The following ZNF254 variants were observed in gnomAD, a reference collection of about 807,000 sequenced individuals.
ZNF254 encodes zinc finger protein 254, also known as CTD-2017D11.1.
Under a neutral mutation model 12.4 loss-of-function variants are expected in ZNF254, and 10 were observed. The observed-to-expected ratio is 0.80, with a 90% CI of 0.50 to 1.36. ZNF254 has a LOEUF of 1.36. ZNF254 is among the 40% of genes most tolerant of loss of function. ZNF254 has a pLI of 0.00. For missense variants in ZNF254, 996 were observed against 763.9 expected, an observed-to-expected ratio of 1.30 and a Z score of -3.58; for synonymous variants, 305 against 253.4, an observed-to-expected ratio of 1.20 and a Z score of -1.93.
At position 24,127,419 on chromosome 19, in the gene ZNF254, G is replaced by A. The variant is rs762902448; in HGVS notation, c.1419G>A (p.Trp473Ter). ...AAGAATGTGGCAAGGCATTTATATG[G>A]TCCTCAACCCTAACTAGACATAAGA... Reference protein sequence around the residue: ...KCEECGKAFIWSSTLTRHKRM... With the variant: ...KCEECGKAFI Residue 473 changes from tryptophan (W) to a stop codon, truncating the protein, a stop_gained, in exon 4 of 4, where the codon TGG becomes TGA. Coordinates refer to ENST00000357002, the MANE Select transcript of ZNF254 (RefSeq NM_203282.4). LOFTEE classifies it low-confidence loss of function (END_TRUNC). 9 of 1,611,616 alleles carry A rather than the reference G, an allele frequency of 5.6e-6. No homozygotes were observed. Among genetic ancestry groups the A allele is most frequent in the Non-Finnish European group, 6.8e-6 (8 of 1,178,732 alleles).
intron 1 of ZNF254, among the ~76,000 whole-genome samples, chr19:24,041,461 A>G (rs1189022086): frequency 6.6e-6 from 1 of 152,238 alleles, no homozygotes; most frequent in African/African-American, 2.4e-5. Flanking sequence ...CACCCGGGCT[A>G]GTGGCTGCGG....
intron 2 of ZNF254, among the ~76,000 whole-genome samples, chr19:24,046,484 A>G (rs1370357849): frequency 1.3e-5 from 2 of 150,896 alleles, no homozygotes; most frequent in Non-Finnish European, 2.9e-5. Flanking sequence ...CCTCAAATCA[A>G]TTCAGGTGAA....
At chr19:24,106,667 A>T (rs1973361737) in intron 3 of ZNF254, 24 bp downstream of exon 3, 1 of 1,545,468 alleles carries the variant, frequency 6.5e-7, no homozygotes, top group Admixed American at 1.7e-5. Flanking sequence ...AATACAACAG[A>T]TGACATGGAT....
At chr19:24,100,170 T>C (rs925739766) in intron 1 of ZNF254, among the ~76,000 whole-genome samples, 10 of 152,176 alleles carry the variant, frequency 6.6e-5, no homozygotes, top group Non-Finnish European at 8.8e-5. Context: ...TCCATGACTC[T>C]TTTATCTTCA....
chr19:24,082,487 A>G, upstream of ZNF254, among the ~76,000 whole-genome samples: 1 of 117,612 alleles, frequency 8.5e-6, no homozygotes, highest in Non-Finnish European at 1.7e-5. Flanking sequence ...TATACTAAAA[A>G]AAAAAAAAAA....
chr19:24,107,303 A>C (rs2145821795), intron 3 of ZNF254: 1 of 568,532 alleles, frequency 1.8e-6, no homozygotes, highest in South Asian at 2.3e-5. Context: ...ATAATATGGC[A>C]GTTTCATAAT....
intron 2 of ZNF254, among the ~76,000 whole-genome samples, chr19:24,071,997 G>A (rs542907466): frequency 9.3e-4 from 142 of 152,184 alleles, no homozygotes; most frequent in African/African-American, 3.3e-3. Context: ...CAGGTAGATG[G>A]TGTGATTCTC....
chr19:24,115,736 T>C (rs1974015568), intron 3 of ZNF254, among the ~76,000 whole-genome samples: 1 of 152,098 alleles, frequency 6.6e-6, no homozygotes, highest in Non-Finnish European at 1.5e-5. Flanking sequence ...GATCCTGTCG[T>C]TAGGATGCTG....
chr19:24,088,671 CAG>C (rs1972175205), intron 1 of ZNF254, among the ~76,000 whole-genome samples: 1 of 151,936 alleles, frequency 6.6e-6, no homozygotes, highest in South Asian at 2.1e-4. Context: ...ATTTTTGAGA[CAG>C]AGGCTTGCTC....
At chr19:24,124,652 C>T (rs1239348069) in intron 3 of ZNF254, among the ~76,000 whole-genome samples, 1 of 151,476 alleles carries the variant, frequency 6.6e-6, no homozygotes, top group Non-Finnish European at 1.5e-5. Flanking sequence ...TTTTTTTTTC[C>T]ACAATTTTTG....
intron 1 of ZNF254, among the ~76,000 whole-genome samples, chr19:24,038,389 T>C (rs1343971391): frequency 1.3e-5 from 2 of 152,224 alleles, no homozygotes; most frequent in African/African-American, 2.4e-5. Flanking sequence ...GTGCTGTCAG[T>C]TCTTCTACTT....
intron 3 of ZNF254, among the ~76,000 whole-genome samples, chr19:24,108,301 T>A (rs955679706): frequency 1.3e-5 from 2 of 151,710 alleles, no homozygotes; most frequent in African/African-American, 4.8e-5. Context: ...CTGGGAAGAG[T>A]TTGGGATGTT....
chr19:24,105,835 T>C, intron 1 of ZNF254, 105 bp from the exon 2 acceptor site: 3 of 1,487,596 alleles, frequency 2.0e-6, no homozygotes, highest in Non-Finnish European at 1.8e-6. Flanking sequence ...CAATCACTCT[T>C]ATAAGTCAGA....
chr19:24,081,444 A>G (rs1443097948), intron 2 of ZNF254, among the ~76,000 whole-genome samples: 1 of 152,228 alleles, frequency 6.6e-6, no homozygotes, highest in African/African-American at 2.4e-5. Context: ...ATTTTGCTAG[A>G]CACTCCAATT....
chr19:24,121,165 C>T (rs527899911), intron 3 of ZNF254, among the ~76,000 whole-genome samples: 3 of 151,912 alleles, frequency 2.0e-5, no homozygotes, highest in Non-Finnish European at 2.9e-5. Flanking sequence ...TTCTTGGTTA[C>T]AATTTTTGTT....
At chr19:24,067,320 G>T (rs999380653) in intron 2 of ZNF254, among the ~76,000 whole-genome samples, 4 of 151,574 alleles carry the variant, frequency 2.6e-5, no homozygotes, top group Admixed American at 1.3e-4. Context: ...GCACACAGGG[G>T]ATGTGATTCT....
rs545073539 is a variant in ZNF254, at chr19:24,100,653, C to A, written c.31-5287C>A. Among the ~76,000 whole-genome samples the A allele has an allele frequency of 8.1e-5, 12 of 148,448 alleles. No homozygotes were observed. The Admixed American group carries it at 8.1e-4, about 10-fold the overall frequency. ...AAGTTATTTATTTAAACAAGAATTT[C>A]TGACAAAGAAGTTTGTATGTCTCTC... On this transcript the variant is annotated intron_variant, in intron 1 of 3. Transcript: ENST00000357002.
chr19:24,085,733 C>CTT (rs1972013686), upstream of ZNF254, among the ~76,000 whole-genome samples: 2 of 151,498 alleles, frequency 1.3e-5, no homozygotes, highest in African/African-American at 4.9e-5. Flanking sequence ...GATTGCGCCA[C>CTT]TGCACTTCAG....
At chr19:24,041,766 C>T (rs1380942739) in intron 1 of ZNF254, among the ~76,000 whole-genome samples, 2 of 152,262 alleles carry the variant, frequency 1.3e-5, no homozygotes, top group South Asian at 2.1e-4. Context: ...TAGGTGAAGC[C>T]AGCTGGGCTC....
Sources: allele counts gnomAD v4.1 joint callset (sites outside exome capture counted in the v4.1 genomes callset), GRCh38; gene constraint gnomAD v4.1.1; transcripts MANE v1.5; gene names NCBI Gene and HGNC (gene_info 2026-07-23, HGNC 2026-07-21).